CEP126: variants seen among roughly 807,000 people sequenced by gnomAD.
The protein encoded by CEP126 is centrosomal protein of 126 kDa.
Under a neutral mutation model 107.8 loss-of-function variants are expected in CEP126, and 74 were observed. The ratio of observed to expected loss-of-function variants is 0.69; its 90% CI spans 0.57 to 0.83. The LOEUF (loss-of-function observed/expected upper bound fraction) is 0.83, where lower values mean the gene tolerates loss of function less well. Ranked by LOEUF, CEP126 falls within the 40% of genes least tolerant of loss-of-function variation. CEP126 has a pLI of 0.00. For synonymous variants in CEP126, 449 were observed against 446.0 expected (o/e 1.01, Z -0.08); for missense variants, 1,237 against 1,281.9 (o/e 0.96, Z 0.53).
intron 4 of CEP126, among the ~76,000 whole-genome samples, chr11:101,948,628 G>C (rs1001362177): frequency 1.3e-5 from 2 of 152,188 alleles, no homozygotes; most frequent in Non-Finnish European, 2.9e-5. Context: ...TAATAGGATG[G>C]ACCAATCAAC....
chr11:101,945,412 G>GCTT (rs1591277137), intron 3 of CEP126, among the ~76,000 whole-genome samples: 1 of 152,108 alleles, frequency 6.6e-6, no homozygotes, highest in East Asian at 1.9e-4. Flanking sequence ...TTCTCAAAGA[G>GCTT]CTTTATATGC....
intron 6 of CEP126, among the ~76,000 whole-genome samples, chr11:101,973,580 G>A (rs904855564): frequency 1.3e-5 from 2 of 152,102 alleles, no homozygotes; most frequent in African/African-American, 4.8e-5. Context: ...TAGGTGATGG[G>A]TTGATAGGTG....
chr11:101,960,392 T>G (rs1940955744), intron 5 of CEP126, among the ~76,000 whole-genome samples: 1 of 152,168 alleles, frequency 6.6e-6, no homozygotes, highest in African/African-American at 2.4e-5. Flanking sequence ...CTAACGCAAA[T>G]TTCTGTGTCT....
At chr11:101,965,025 G>T (rs1941042692) in intron 6 of CEP126, among the ~76,000 whole-genome samples, 1 of 151,930 alleles carries the variant, frequency 6.6e-6, no homozygotes, top group Non-Finnish European at 1.5e-5. Context: ...GCTTTTATCT[G>T]CTATGACTAT....
At chr11:101,922,494 C>A in intron 1 of CEP126, 147 bp from the exon 2 acceptor site, 2 of 615,612 alleles carry the variant, frequency 3.2e-6, no homozygotes, top group Non-Finnish European at 2.8e-6. Context: ...GTTTGCCAGT[C>A]ATATACTAAT....
chr11:101,945,323 T>C lies in CEP126; in HGVS notation c.394+913T>C, dbSNP rs566368494. Among the ~76,000 whole-genome samples, 18 of 152,196 alleles carry C rather than the reference T, an allele frequency of 1.2e-4. No individual in the cohort carries two copies. The South Asian group carries it at 3.5e-3, about 30-fold the overall frequency. On this transcript the variant is annotated intron_variant, in intron 3 of 10. Transcript: ENST00000263468. The stretch of plus-strand genomic sequence containing the variant: ...GAACAGCTTGTACAAATAAATTATG[T>C]ATTTCAGTGTATCTGAAGCATAGGA...
At position 101,958,340 on chromosome 11, in the gene CEP126, G is replaced by C; in HGVS notation, c.679G>C (p.Glu227Gln). 1 of 1,613,792 alleles carries C rather than the reference G, an allele frequency of 6.2e-7. No homozygotes were observed. The highest frequency in any genetic ancestry group is 8.5e-7 in the Non-Finnish European group (1 of 1,179,852). The change falls in exon 5 of 11, where the codon GAA becomes CAA. Residue 227 changes from glutamate to glutamine, a missense_variant. Physicochemically the swap from Glu to Gln is conservative, Grantham distance 29. Transcript: ENST00000263468. ...ACTGGAGGAAACTCAGAAACTCCTCGAAGATCAACATCTAAGCAATTTGCA... is the reference window on the plus strand; with the variant it reads ...ACTGGAGGAAACTCAGAAACTCCTCCAAGATCAACATCTAAGCAATTTGCA... ...LKLEETQKLLEDQHLSNLQKF... is the reference protein window; with the variant it reads ...LKLEETQKLLQDQHLSNLQKF...
intron 2 of CEP126, among the ~76,000 whole-genome samples, chr11:101,938,895 G>A (rs958734731): frequency 5.3e-5 from 8 of 151,028 alleles, no homozygotes; most frequent in African/African-American, 1.2e-4. Context: ...TCTAGATATC[G>A]TAATTGATTT....
intron 3 of CEP126, among the ~76,000 whole-genome samples, chr11:101,947,001 G>C (rs771444164): frequency 6.6e-6 from 1 of 152,182 alleles, no homozygotes; most frequent in Non-Finnish European, 1.5e-5. Context: ...AATATCAGCA[G>C]ACTATCCTGT....
At chr11:101,995,146 C>CA (rs1941428120) in intron 10 of CEP126, among the ~76,000 whole-genome samples, 1 of 151,566 alleles carries the variant, frequency 6.6e-6, no homozygotes, top group Non-Finnish European at 1.5e-5. Flanking sequence ...ATTACTGAAT[C>CA]TTTTTTTTTA....
intron 2 of CEP126, among the ~76,000 whole-genome samples, chr11:101,926,593 T>C (rs530134349): frequency 4.6e-5 from 7 of 152,252 alleles, no homozygotes; most frequent in African/African-American, 1.7e-4. Flanking sequence ...AAGAGTAAAG[T>C]AGAAAGCTGT....
intron 8 of CEP126, 132 bp downstream of exon 8, chr11:101,982,096 C>G: frequency 1.9e-6 from 1 of 515,218 alleles, no homozygotes; most frequent in Non-Finnish European, 3.5e-6. Context: ...CTCCTCACCC[C>G]TGCACATCCA....
At chr11:101,924,472 TTTTG>T (rs776001722) in intron 2 of CEP126, among the ~76,000 whole-genome samples, 2 of 152,024 alleles carry the variant, frequency 1.3e-5, no homozygotes, top group Non-Finnish European at 2.9e-5. Flanking sequence ...TTTTGTTTTG[TTTTG>T]TTTTTTTGAG....
At chr11:101,924,705 T>G (rs2137080461) in intron 2 of CEP126, among the ~76,000 whole-genome samples, 1 of 152,230 alleles carries the variant, frequency 6.6e-6, no homozygotes, top group East Asian at 1.9e-4. Flanking sequence ...TGACCTCAAG[T>G]GATCCTCCCA....
chr11:101,956,249 C>T lies in CEP126; in HGVS notation c.507-1919C>T, dbSNP rs147138422. 2,795 of 456,422 alleles carry T rather than the reference C, an allele frequency of 6.1e-3. 11 individuals are homozygous for T. The highest frequency in any genetic ancestry group is 9.0e-3 in the Non-Finnish European group (2,047 of 226,920). The allele number at this position is 456,422 out of a possible 1,614,324, so 28.3% of individuals were successfully genotyped here. On this transcript the variant is annotated intron_variant, in intron 4 of 10. Transcript: ENST00000263468. ...CACTCTAATGCCTACCCTTGTTCGTCGTTCCCTTCCAGCTCCACTGGTTGT... is the reference window on the plus strand; with the variant it reads ...CACTCTAATGCCTACCCTTGTTCGTTGTTCCCTTCCAGCTCCACTGGTTGT...
Position 101,958,356 on chromosome 11 carries a change from G to A in CEP126, c.695G>A (p.Ser232Asn). The change falls in exon 5 of 11, where the codon AGC becomes AAC. Residue 232 changes from serine (S) to asparagine (N), a missense_variant. Ser to Asn is a conservative substitution (Grantham distance 46, BLOSUM62 1). Transcript: ENST00000263468. ...AAACTCCTCGAAGATCAACATCTAA[G>A]CAATTTGCAAGTATGAAACTATAAA... ...TQKLLEDQHL[S>N]NLQKFCDEVN... The A allele has an allele frequency of 6.2e-7, 1 of 1,612,898 alleles. No individual in the cohort carries two copies. The highest frequency in any genetic ancestry group is 1.1e-5 in the South Asian group (1 of 90,906).
At position 101,955,241 on chromosome 11, in the gene CEP126, A is replaced by G. The variant is rs138250334; in HGVS notation, c.507-2927A>G. On this transcript the variant is annotated intron_variant, in intron 4 of 10. Coordinates refer to ENST00000263468, the MANE Select transcript of CEP126 (RefSeq NM_020802.4). Reference sequence around the variant, plus strand: ...AGTAAAGTTAAAAATATAAGAAGTAATTAGTCTTCTGTCACCATCAAATCC... The same window carrying G: ...AGTAAAGTTAAAAATATAAGAAGTAGTTAGTCTTCTGTCACCATCAAATCC... 1.2e-4 allele frequency among the ~76,000 whole-genome samples: 18 copies of G among 152,340 alleles called. No individual in the cohort carries two copies. The East Asian group carries it at 3.5e-3, about 29-fold the overall frequency.
chr11:101,931,304 A>G (rs1179719254), intron 2 of CEP126, among the ~76,000 whole-genome samples: 1 of 152,150 alleles, frequency 6.6e-6, no homozygotes, highest in African/African-American at 2.4e-5. Flanking sequence ...GTAATTTTCA[A>G]CATTTCATTT....
At chr11:101,933,815 C>CG (rs796302629) in intron 2 of CEP126, among the ~76,000 whole-genome samples, 81 of 88,964 alleles carry the variant, frequency 9.1e-4, no homozygotes, top group African/African-American at 3.4e-3. Context: ...ACCCCCGAGA[C>CG]CCCCCCCCCA....
Sources: allele counts gnomAD v4.1 joint callset (sites outside exome capture counted in the v4.1 genomes callset), GRCh38; gene constraint gnomAD v4.1.1; transcripts MANE v1.5; gene names NCBI Gene and HGNC (gene_info 2026-07-23, HGNC 2026-07-21).